Variants in GIGYF2 observed in about 807,000 individuals in gnomAD.
The protein encoded by GIGYF2 is GRB10 interacting GYF protein 2.
In GIGYF2, 25 loss-of-function variants were observed where a neutral mutation model predicts 208.1. That is an observed-to-expected ratio of 0.12 (90% CI 0.09 to 0.17). GIGYF2 has a LOEUF of 0.17. Ranked by LOEUF, GIGYF2 falls within the 10% of genes least tolerant of loss-of-function variation. The probability of loss-of-function intolerance (pLI) is 1.00; values close to 1 mark genes in which losing one functional copy is unlikely to be tolerated. For missense variants in GIGYF2, 1,302 were observed against 1,579.4 expected (o/e 0.82, Z 2.98); for synonymous variants, 534 against 543.8 (o/e 0.98, Z 0.25).
At position 232,787,209 on chromosome 2, in the gene GIGYF2, C is replaced by T. The variant is rs1309356302; in HGVS notation, c.592C>T (p.Arg198Cys). The change falls in exon 9 of 29, where the codon CGC becomes TGC. Residue 198 changes from arginine (R) to cysteine (C), a missense_variant. Coordinates refer to ENST00000373563, the MANE Select transcript of GIGYF2 (RefSeq NM_001103146.3). Reference protein sequence around the residue: ...TSVGRKHEFIRSESENWRIFR... With the variant: ...TSVGRKHEFICSESENWRIFR... ...AGTAGGGAGAAAGCATGAATTTATA[C>T]GCTCAGAAAGTGAAAATTGGCGCAT... is the stretch of plus-strand genomic sequence containing the variant. The T allele has an allele frequency of 7.4e-6, 12 of 1,613,764 alleles. No homozygotes were observed. Among genetic ancestry groups the T allele is most frequent in the Middle Eastern group, 1.6e-4 (1 of 6,084 alleles).
chr2:232,720,805 G>T (rs543047020), intron 2 of GIGYF2, among the ~76,000 whole-genome samples: 1 of 152,012 alleles, frequency 6.6e-6, no homozygotes, highest in Non-Finnish European at 1.5e-5. Flanking sequence ...ATGTTGGCCA[G>T]GCTGGTTTCG....
rs776850530 is a variant in GIGYF2 at position 232,707,728 on chromosome 2, C to G, written c.-44+4239C>G. ...TCTTGGCTCACTGCAACCTCCACCC[C>G]CTGGGTTCAAGCGATTTTCCTGCCT... On this transcript the variant is annotated intron_variant, in intron 2 of 28. Coordinates refer to ENST00000373563, the MANE Select transcript of GIGYF2 (RefSeq NM_001103146.3). Among the ~76,000 whole-genome samples, 105 of 151,856 alleles carry G rather than the reference C, an allele frequency of 6.9e-4. 2 individuals are homozygous for G. Among genetic ancestry groups the G allele is most frequent in the Non-Finnish European group, 2.8e-4 (19 of 67,956 alleles).
chr2:232,721,016 C>T (rs1026287710), intron 2 of GIGYF2, among the ~76,000 whole-genome samples: 3 of 152,124 alleles, frequency 2.0e-5, no homozygotes, highest in Non-Finnish European at 4.4e-5. Flanking sequence ...GGGAAGAACC[C>T]GATCATCTTC....
At chr2:232,799,379 A>C (rs898718257) in intron 14 of GIGYF2, among the ~76,000 whole-genome samples, 1 of 151,440 alleles carries the variant, frequency 6.6e-6, no homozygotes, top group Non-Finnish European at 1.5e-5. Context: ...CCTTGTCTCT[A>C]TAAAAAAAAA....
At chr2:232,723,732 T>TC (rs1385337062) in intron 2 of GIGYF2, among the ~76,000 whole-genome samples, 1 of 133,160 alleles carries the variant, frequency 7.5e-6, no homozygotes, top group Non-Finnish European at 1.6e-5. Context: ...CCGGCCTTTT[T>TC]TTTTTTTTTT....
intron 18 of GIGYF2, 100 bp from the exon 19 acceptor site, chr2:232,815,537 A>G: frequency 1.4e-6 from 1 of 740,106 alleles, no homozygotes; most frequent in Non-Finnish European, 2.5e-6. Context: ...GGTGGAGCTC[A>G]TTTAGGCACA....
Position 232,794,879 on chromosome 2 carries a change from G to A in GIGYF2, c.1414G>A (p.Ala472Thr). ...LRPVETPVVG[A>T]PGMGSVSTEP... Reference sequence around the variant, plus strand: ...GCCAGTTGAAACACCAGTTGTAGGTGCTCCTGGTATGGGCAGTGTTTCCAC... The same window carrying A: ...GCCAGTTGAAACACCAGTTGTAGGTACTCCTGGTATGGGCAGTGTTTCCAC... The change falls in exon 13 of 29, where the codon GCT (alanine) becomes ACT (threonine). Residue 472 changes from alanine (A) to threonine (T), a missense_variant. Ala to Thr is a moderately conservative substitution (Grantham distance 58, BLOSUM62 0). Coordinates refer to ENST00000373563, the MANE Select transcript of GIGYF2 (RefSeq NM_001103146.3). The A allele has an allele frequency of 6.2e-7, 1 of 1,613,634 alleles. No individual in the cohort carries two copies. Among genetic ancestry groups the A allele is most frequent in the Non-Finnish European group, 8.5e-7 (1 of 1,179,564 alleles).
At chr2:232,783,682 G>T (rs894601365) in intron 8 of GIGYF2, among the ~76,000 whole-genome samples, 1 of 136,676 alleles carries the variant, frequency 7.3e-6, no homozygotes, top group Non-Finnish European at 1.6e-5. Context: ...TCAGATCTAG[G>T]TGTTTTTTTG....
chr2:232,822,784 T>C (rs74930304), intron 21 of GIGYF2, among the ~76,000 whole-genome samples: 3,447 of 152,336 alleles, frequency 0.023, 139 homozygotes, highest in African/African-American at 0.078. Context: ...TTCTGACACC[T>C]TGTGAAACTC....
Position 232,735,869 on chromosome 2 carries a change from T to C in GIGYF2, c.41+631T>C, listed in dbSNP as rs1022786951. The C allele has an allele frequency of 3.0e-5, 30 of 983,906 alleles. No homozygotes were observed. In the South Asian group the frequency reaches 3.8e-4, roughly 12 times the overall value. The allele number at this position is 983,906 out of a possible 1,614,324, so 60.9% of individuals were successfully genotyped here. On this transcript the variant is annotated intron_variant, in intron 3 of 28. Coordinates refer to ENST00000373563, the MANE Select transcript of GIGYF2 (RefSeq NM_001103146.3). ...CTTCCTTTTTCCCCAAAGTTGGTGATTGAAGATCCTCTCTTCAGTGGCATC... is the reference window on the plus strand; with the variant it reads ...CTTCCTTTTTCCCCAAAGTTGGTGACTGAAGATCCTCTCTTCAGTGGCATC...
chr2:232,716,417 C>T (rs1170743580), intron 2 of GIGYF2, among the ~76,000 whole-genome samples: 5 of 133,152 alleles, frequency 3.8e-5, no homozygotes, highest in Admixed American at 1.7e-4. Context: ...CTCACTCTGT[C>T]ACTCTGGCTG....
At chr2:232,841,770 G>A (rs1408139153) in intron 23 of GIGYF2, among the ~76,000 whole-genome samples, 1 of 151,990 alleles carries the variant, frequency 6.6e-6, no homozygotes, top group Non-Finnish European at 1.5e-5. Flanking sequence ...CTTTCTGGGG[G>A]CCTCTAACCT....
At chr2:232,836,285 T>C (rs564954086) in intron 22 of GIGYF2, among the ~76,000 whole-genome samples, 2 of 6,254 alleles carry the variant, frequency 3.2e-4, no homozygotes, top group Non-Finnish European at 8.9e-4. Context: ...TATATATATA[T>C]ATATATATAT....
rs1700056323 is a variant in GIGYF2, at chr2:232,791,074, G to A, written c.997G>A (p.Glu333Lys). The A allele has an allele frequency of 1.9e-6, 3 of 1,613,980 alleles. No individual in the cohort carries two copies. The highest frequency in any genetic ancestry group is 2.5e-6 in the Non-Finnish European group (3 of 1,179,924). ...CTTCCGGCCTGTGGACGAAGGGGAGGAGTGCTCTGACTCTGAGGGTAGCCA... is the reference window on the plus strand; with the variant it reads ...CTTCCGGCCTGTGGACGAAGGGGAGAAGTGCTCTGACTCTGAGGGTAGCCA... ...MDFRPVDEGE[E>K]CSDSEGSHNE... is the part of the protein sequence containing the mutation. Residue 333 changes from glutamate (E) to lysine (K), a missense_variant, in exon 11 of 29, where the codon GAG becomes AAG. Physicochemically the swap from Glu to Lys is moderately conservative, Grantham distance 56. Around this residue, in one of 8 missense-constraint regions of GIGYF2, gnomAD observed 235 missense variants for 218.8 expected, o/e 1.07. Coordinates refer to ENST00000373563, the MANE Select transcript of GIGYF2 (RefSeq NM_001103146.3).
chr2:232,710,634 AC>A (rs1696347687), intron 2 of GIGYF2, among the ~76,000 whole-genome samples: 1 of 151,718 alleles, frequency 6.6e-6, no homozygotes, highest in African/African-American at 2.4e-5. Context: ...TGGAAAACGT[AC>A]AGTTTGAAAA....
chr2:232,800,997 C>G (rs1317499156), intron 14 of GIGYF2, among the ~76,000 whole-genome samples: 8 of 152,080 alleles, frequency 5.3e-5, no homozygotes, highest in Non-Finnish European at 1.0e-4. Flanking sequence ...CTTGCCTCAG[C>G]CACCCAAGTA....
intron 2 of GIGYF2, chr2:232,722,432 A>C: frequency 6.6e-6 from 1 of 152,304 alleles, no homozygotes; most frequent in South Asian, 2.1e-4. Flanking sequence ...CCCATGATTC[A>C]GTTACCTCCC....
intron 22 of GIGYF2, among the ~76,000 whole-genome samples, chr2:232,834,749 C>G (rs34707169): frequency 6.6e-6 from 1 of 151,918 alleles, no homozygotes; most frequent in African/African-American, 2.4e-5. Flanking sequence ...GTTCTTCTCT[C>G]TATTCTTTGT....
chr2:232,798,464 T>C (rs1447183793), intron 14 of GIGYF2, among the ~76,000 whole-genome samples: 1 of 152,218 alleles, frequency 6.6e-6, no homozygotes, highest in East Asian at 1.9e-4. Context: ...AGTTCTATGC[T>C]TAGTTTTAAA....
Sources: allele counts gnomAD v4.1 joint callset (sites outside exome capture counted in the v4.1 genomes callset), GRCh38; gene constraint gnomAD v4.1.1; regional missense constraint gnomAD v4.1.1; transcripts MANE v1.5; gene names NCBI Gene and HGNC (gene_info 2026-07-23, HGNC 2026-07-21).